The following ESRRB variants were observed in gnomAD, a reference collection of about 807,000 sequenced individuals.
ESRRB encodes estrogen related receptor beta, also known as steroid hormone receptor ERR2.
ESRRB carries 16 observed loss-of-function variants against 46.0 expected under a neutral mutation model. That is an observed-to-expected ratio of 0.35 (90% CI 0.24 to 0.53). ESRRB has a LOEUF of 0.53. Ranked by LOEUF, ESRRB falls within the 20% of genes least tolerant of loss-of-function variation. The pLI is 0.93. For missense variants in ESRRB, 488 were observed against 607.4 expected (o/e 0.80, Z 2.07); for synonymous variants, 246 against 259.6 (o/e 0.95, Z 0.50).
chr14:76,485,633 G>C (rs1889980968), intron 5 of ESRRB, among the ~76,000 whole-genome samples: 1 of 20,594 alleles, frequency 4.9e-5, no homozygotes, highest in African/African-American at 1.2e-4. Context: ...CCCTGAGAGA[G>C]AGAGAGAGAG....
At chr14:76,439,801 G>T in intron 2 of ESRRB, 51 bp downstream of exon 2, 1 of 1,587,338 alleles carries the variant, frequency 6.3e-7, no homozygotes, top group Non-Finnish European at 8.6e-7. Flanking sequence ...GGTGGCAGCC[G>T]TGCCTGCGGG....
At chr14:76,315,268 C>T (rs952617288) in intron 1 of ESRRB, among the ~76,000 whole-genome samples, 1 of 72,960 alleles carries the variant, frequency 1.4e-5, no homozygotes, top group Non-Finnish European at 3.1e-5. Flanking sequence ...GCATTCACCC[C>T]CTGTGCTATG....
chr14:76,315,248 C>G lies in ESRRB; in HGVS notation c.2+4332C>G, dbSNP rs140724052. 3.3e-4 allele frequency among the ~76,000 whole-genome samples: 47 copies of G among 143,960 alleles called. 1 individual carries two copies. In the East Asian group the frequency reaches 9.9e-3, roughly 30 times the overall value. The allele number at this position is 143,960 out of a possible 152,430, so 94.4% of individuals were successfully genotyped here. A position where few individuals can be genotyped will look rare whatever the true frequency, so the allele number is the denominator to read the frequency against. ...CTTTCGAGGTCCTCGCCTGGTCTCCCTCCATGACTGCATTCACCCCCTGTG... is the reference window on the plus strand; with the variant it reads ...CTTTCGAGGTCCTCGCCTGGTCTCCGTCCATGACTGCATTCACCCCCTGTG... On this transcript the variant is annotated intron_variant, in intron 1 of 6. Transcript: ENST00000512784.
chr14:76,320,338 T>C (rs1201892914), intron 1 of ESRRB, among the ~76,000 whole-genome samples: 1 of 152,256 alleles, frequency 6.6e-6, no homozygotes, highest in African/African-American at 2.4e-5. Flanking sequence ...CTCTGCCTGA[T>C]GGCTTTCTAC....
chr14:76,487,010 T>C (rs1461196761), intron 5 of ESRRB, among the ~76,000 whole-genome samples: 1 of 152,156 alleles, frequency 6.6e-6, no homozygotes, highest in Non-Finnish European at 1.5e-5. Flanking sequence ...ATGGGACAGA[T>C]GGGTCGAAAT....
upstream of ESRRB, among the ~76,000 whole-genome samples, chr14:76,368,531 C>T (rs970085362): frequency 2.6e-5 from 4 of 152,196 alleles, no homozygotes; most frequent in African/African-American, 9.7e-5. Context: ...AGGGTCACTG[C>T]TGACAAGTGT....
chr14:76,436,142 G>A (rs1018782889), intron 1 of ESRRB, among the ~76,000 whole-genome samples: 5 of 152,228 alleles, frequency 3.3e-5, no homozygotes, highest in Admixed American at 2.0e-4. Context: ...AATCAAGGAG[G>A]GGAGCGGAAG....
Position 76,376,378 on chromosome 14 carries a change from A to T in ESRRB, c.-24A>T. 1.6e-6 allele frequency: 2 copies of T among 1,231,066 alleles called. No individual in the cohort carries two copies. Among genetic ancestry groups the T allele is most frequent in the South Asian group, 8.2e-5 (2 of 24,288 alleles). The allele number at this position is 1,231,066 out of a possible 1,614,324, so 76.3% of individuals were successfully genotyped here. On this transcript the variant is annotated 5_prime_UTR_variant, in exon 1 of 7. Transcript: ENST00000644823. This position sits in a 1 kb window ranked among gnomAD's most constrained non-coding sequence, Gnocchi z 4.1. ...ATTTCCCCGCCGTCTTTCTCTACCA[A>T]CTGGGAATGCTAAAACGGGACTGAT... is the stretch of plus-strand genomic sequence containing the variant.
chr14:76,403,758 C>T (rs1226626043), intron 1 of ESRRB, among the ~76,000 whole-genome samples: 1 of 151,948 alleles, frequency 6.6e-6, no homozygotes, highest in Non-Finnish European at 1.5e-5. Flanking sequence ...CAGAGTTTCA[C>T]TCTTGTTGCC....
At chr14:76,474,405 T>C (rs1339252108) in intron 3 of ESRRB, among the ~76,000 whole-genome samples, 1 of 152,266 alleles carries the variant, frequency 6.6e-6, no homozygotes, top group African/African-American at 2.4e-5. Flanking sequence ...TATTGAAATA[T>C]AGTTCACCCA....
chr14:76,397,543 C>T (rs776962412), intron 1 of ESRRB, among the ~76,000 whole-genome samples: 4 of 152,174 alleles, frequency 2.6e-5, no homozygotes, highest in Non-Finnish European at 5.9e-5. Flanking sequence ...GGAGGCTGGG[C>T]TTGCTGGCTT....
intron 1 of ESRRB, among the ~76,000 whole-genome samples, chr14:76,404,979 T>G (rs369646027): frequency 1.2e-4 from 19 of 152,308 alleles, no homozygotes; most frequent in African/African-American, 4.1e-4. Flanking sequence ...GTTGCATCGT[T>G]TTCTAAAGCA....
intron 3 of ESRRB, among the ~76,000 whole-genome samples, chr14:76,466,138 C>G (rs536943235): frequency 3.7e-4 from 57 of 152,206 alleles, no homozygotes; most frequent in African/African-American, 1.3e-3. Flanking sequence ...CCCAGGGCTG[C>G]TCTCCGCTTT....
intron 1 of ESRRB, among the ~76,000 whole-genome samples, chr14:76,315,789 A>G (rs1477917146): frequency 2.0e-5 from 3 of 152,292 alleles, no homozygotes; most frequent in East Asian, 3.9e-4. Flanking sequence ...GGGCTATTCC[A>G]TGAGGAAGCC....
chr14:76,335,020 C>T (rs1194385254), intron 1 of ESRRB, among the ~76,000 whole-genome samples: 6 of 152,140 alleles, frequency 3.9e-5, no homozygotes, highest in East Asian at 1.9e-4. Flanking sequence ...CCTTCTGGGC[C>T]GGCCTCACCT....
chr14:76,472,268 AAC>A (rs1485710631), intron 3 of ESRRB, among the ~76,000 whole-genome samples: 1 of 152,220 alleles, frequency 6.6e-6, no homozygotes, highest in Non-Finnish European at 1.5e-5. Flanking sequence ...ATGCAGGCGT[AAC>A]ACAGTTTTGT....
At chr14:76,434,313 C>A (rs58100967) in intron 1 of ESRRB, among the ~76,000 whole-genome samples, 1 of 152,138 alleles carries the variant, frequency 6.6e-6, no homozygotes, top group Admixed American at 6.5e-5. Context: ...CCTCTCTCCC[C>A]CTCTGCTTCC....
chr14:76,489,860 A>T (rs1374386301), intron 5 of ESRRB, among the ~76,000 whole-genome samples: 1 of 151,756 alleles, frequency 6.6e-6, no homozygotes, highest in African/African-American at 2.4e-5. Context: ...CCTCCAGGCA[A>T]GTCCAGAGAG....
At chr14:76,420,664 T>C (rs55949845) in intron 1 of ESRRB, among the ~76,000 whole-genome samples, 42,201 of 146,522 alleles carry the variant, frequency 0.29, 7,674 homozygotes, top group African/African-American at 0.52. Flanking sequence ...AGGAACAAAG[T>C]AATTTTGGCA....
Sources: allele counts gnomAD v4.1 joint callset (sites outside exome capture counted in the v4.1 genomes callset), GRCh38; gene constraint gnomAD v4.1.1; non-coding constraint Gnocchi (gnomAD v3.1); transcripts MANE v1.5; gene names NCBI Gene and HGNC (gene_info 2026-07-23, HGNC 2026-07-21).